The following ARMH3 variants were observed in gnomAD, a reference collection of about 807,000 sequenced individuals.
ARMH3 encodes the protein armadillo like helical domain containing 3.
In ARMH3, 60 loss-of-function variants were observed where a neutral mutation model predicts 99.1. The ratio of observed to expected loss-of-function variants is 0.61; its 90% CI spans 0.49 to 0.75. The LOEUF (loss-of-function observed/expected upper bound fraction) is 0.75, where lower values mean the gene tolerates loss of function less well. Ranked by LOEUF, ARMH3 falls within the 30% of genes least tolerant of loss-of-function variation. The pLI, the probability that ARMH3 is intolerant of heterozygous loss-of-function variation, is 0.00. For synonymous variants in ARMH3, 285 were observed against 292.8 expected, an observed-to-expected ratio of 0.97 and a Z score of 0.27; for missense variants, 679 against 843.1, an observed-to-expected ratio of 0.81 and a Z score of 2.41.
At chr10:101,953,720 G>C (rs188370527) in intron 22 of ARMH3, among the ~76,000 whole-genome samples, 203 of 152,136 alleles carry the variant, frequency 1.3e-3, no homozygotes, top group African/African-American at 4.8e-3. Context: ...CAAAAAAGTG[G>C]AGAATATCAA....
intron 8 of ARMH3, 93 bp downstream of exon 8, chr10:102,023,384 A>G: frequency 8.9e-7 from 1 of 1,127,680 alleles, no homozygotes; most frequent in African/African-American, 1.6e-5. Flanking sequence ...ATTTACCAAG[A>G]ACGTCTTCTA....
rs71016356 is a variant in ARMH3 at position 101,982,021 on chromosome 10, C to CAA, written c.1407-6723_1407-6722dup. On this transcript the variant is annotated intron_variant, in intron 19 of 25. Transcript: ENST00000370033. Reference sequence around the variant, plus strand: ...TGGGCGACAGAGCGAGACTCTATCTCAAAAAAAAAAAAAAAAAAAAAAACA... The same window carrying CAA: ...TGGGCGACAGAGCGAGACTCTATCTCAAAAAAAAAAAAAAAAAAAAAAAAACA... Among the ~76,000 whole-genome samples the CAA allele has an allele frequency of 3.2e-3, 186 of 58,576 alleles. 2 individuals carry two copies. Among genetic ancestry groups the CAA allele is most frequent in the East Asian group, 4.5e-3 (10 of 2,210 alleles). The allele number at this position is 58,576 out of a possible 152,430, so 38.4% of individuals were successfully genotyped here.
intron 1 of ARMH3, among the ~76,000 whole-genome samples, chr10:102,053,147 C>A (rs1371562230): frequency 6.7e-6 from 1 of 149,724 alleles, no homozygotes. Flanking sequence ...AGTCTCACTG[C>A]CTCATTCTTC....
chr10:101,963,391 C>G (rs970265914), intron 20 of ARMH3, among the ~76,000 whole-genome samples: 1 of 152,012 alleles, frequency 6.6e-6, no homozygotes, highest in African/African-American at 2.4e-5. Flanking sequence ...TTGGACTCGG[C>G]CTCCCAAAGT....
chr10:101,936,113 A>G (rs1843958453), intron 23 of ARMH3, among the ~76,000 whole-genome samples: 1 of 152,190 alleles, frequency 6.6e-6, no homozygotes, highest in African/African-American at 2.4e-5. Context: ...AACTCCCTGG[A>G]CTGCCCTCAT....
chr10:101,953,536 C>T (rs1310190934), intron 22 of ARMH3, among the ~76,000 whole-genome samples: 2 of 145,092 alleles, frequency 1.4e-5, no homozygotes, highest in African/African-American at 5.1e-5. Flanking sequence ...AGCCACCGTG[C>T]CCAGCCTTTT....
At chr10:101,984,086 G>T (rs1450794939) in intron 19 of ARMH3, among the ~76,000 whole-genome samples, 1 of 152,150 alleles carries the variant, frequency 6.6e-6, no homozygotes, top group Non-Finnish European at 1.5e-5. Flanking sequence ...CTTGCTTGGT[G>T]TGTAGGGACT....
At chr10:102,015,628 G>A (rs2066731175) in intron 8 of ARMH3, among the ~76,000 whole-genome samples, 1 of 152,174 alleles carries the variant, frequency 6.6e-6, no homozygotes, top group South Asian at 2.1e-4. Flanking sequence ...GACCTCAGGT[G>A]GTCCGCCTGT....
chr10:101,968,332 G>A (rs1193723333), intron 20 of ARMH3, among the ~76,000 whole-genome samples: 2 of 151,932 alleles, frequency 1.3e-5, no homozygotes, highest in Non-Finnish European at 2.9e-5. Context: ...AAATCTAAAA[G>A]TCAATGAGAC....
intron 19 of ARMH3, among the ~76,000 whole-genome samples, chr10:101,982,895 T>C (rs1846295868): frequency 6.6e-6 from 1 of 152,110 alleles, no homozygotes; most frequent in African/African-American, 2.4e-5. Context: ...GATGTAATAA[T>C]AACAAATAAA....
intron 24 of ARMH3, among the ~76,000 whole-genome samples, chr10:101,860,820 C>T (rs2135310496): frequency 6.6e-6 from 1 of 152,190 alleles, no homozygotes; most frequent in African/African-American, 2.4e-5. Context: ...ACTAAACTAG[C>T]CCTAGAGTAA....
chr10:102,043,112 TGCA>T (rs1590228868), intron 1 of ARMH3, among the ~76,000 whole-genome samples: 2 of 152,200 alleles, frequency 1.3e-5, no homozygotes, highest in Non-Finnish European at 2.9e-5. Context: ...AGCAGAAAGT[TGCA>T]GCAGATCAGT....
intron 14 of ARMH3, among the ~76,000 whole-genome samples, chr10:102,005,120 C>T (rs2136078679): frequency 6.6e-6 from 1 of 152,314 alleles, no homozygotes; most frequent in Non-Finnish European, 1.5e-5. Context: ...TCACTTGAAC[C>T]TGGGAGGTGG....
chr10:102,043,978 G>A (rs1238164138), intron 1 of ARMH3, among the ~76,000 whole-genome samples: 3 of 151,958 alleles, frequency 2.0e-5, no homozygotes, highest in South Asian at 2.1e-4. Flanking sequence ...GTGCAGTGGT[G>A]CAATCTCGGC....
At chr10:101,871,597 TG>T (rs1396628092) in intron 24 of ARMH3, among the ~76,000 whole-genome samples, 6 of 152,210 alleles carry the variant, frequency 3.9e-5, no homozygotes, top group Non-Finnish European at 7.4e-5. Context: ...GCAACATAAC[TG>T]AATATTTGGC....
intron 23 of ARMH3, among the ~76,000 whole-genome samples, chr10:101,908,198 T>C (rs1463461964): frequency 1.3e-5 from 2 of 152,216 alleles, no homozygotes; most frequent in Non-Finnish European, 2.9e-5. Flanking sequence ...AACTGCTGCA[T>C]TGTATAAGAT....
intron 19 of ARMH3, 26 bp downstream of exon 19, chr10:101,990,525 T>C: frequency 6.7e-7 from 1 of 1,496,838 alleles, no homozygotes; most frequent in Non-Finnish European, 9.3e-7. Flanking sequence ...TTTGTACACA[T>C]TAAATGTGTA....
chr10:101,877,161 G>C (rs916778103), intron 24 of ARMH3, among the ~76,000 whole-genome samples: 1 of 152,182 alleles, frequency 6.6e-6, no homozygotes, highest in Admixed American at 6.5e-5. Context: ...AAAATAGCCA[G>C]ACGTGGTAGC....
At chr10:102,011,365 C>T (rs1214512262) in intron 11 of ARMH3, among the ~76,000 whole-genome samples, 1 of 152,020 alleles carries the variant, frequency 6.6e-6, no homozygotes, top group African/African-American at 2.4e-5. Flanking sequence ...CTAAACGGAG[C>T]CAACTCTTTA....
Sources: allele counts gnomAD v4.1 joint callset (sites outside exome capture counted in the v4.1 genomes callset), GRCh38; gene constraint gnomAD v4.1.1; transcripts MANE v1.5; gene names NCBI Gene and HGNC (gene_info 2026-07-23, HGNC 2026-07-21).